The following CTNNA2 variants were observed in gnomAD, a reference collection of about 807,000 sequenced individuals.
CTNNA2 encodes the protein catenin alpha 2.
In CTNNA2, 42 loss-of-function variants were observed where a neutral mutation model predicts 101.0. The ratio of observed to expected loss-of-function variants is 0.42; its 90% confidence interval spans 0.32 to 0.54. CTNNA2 has a LOEUF of 0.54. CTNNA2 is among the 20% of genes least tolerant of loss of function. CTNNA2 has a pLI of 0.14. For missense variants in CTNNA2, 871 were observed against 1,223.1 expected (o/e 0.71, Z 4.29); for synonymous variants, 450 against 456.4 (o/e 0.99, Z 0.18).
intron 9 of CTNNA2, among the ~76,000 whole-genome samples, chr2:80,512,445 C>T (rs1289366737): frequency 6.6e-6 from 1 of 151,926 alleles, no homozygotes; most frequent in African/African-American, 2.4e-5. Context: ...AAAAGATAAA[C>T]GTTCAGACTA....
intron 3 of CTNNA2, among the ~76,000 whole-genome samples, chr2:79,814,454 C>T (rs57577926): frequency 0.1 from 15,302 of 152,104 alleles, 1,128 homozygotes; most frequent in East Asian, 0.35. Flanking sequence ...CATAGCTTAG[C>T]TCCCACACAT....
intron 3 of CTNNA2, among the ~76,000 whole-genome samples, chr2:79,372,405 C>T (rs151227825): frequency 7.2e-4 from 110 of 152,260 alleles, no homozygotes; most frequent in African/African-American, 2.5e-3. Context: ...CTGCAGGAAA[C>T]GTGTCCAGGT....
intron 3 of CTNNA2, among the ~76,000 whole-genome samples, chr2:79,342,360 G>A (rs1677157125): frequency 6.6e-6 from 1 of 152,206 alleles, no homozygotes; most frequent in Non-Finnish European, 1.5e-5. Flanking sequence ...GCAAAATCTG[G>A]ACTGAGCAGA....
chr2:80,191,216 T>C (rs1336327603), intron 7 of CTNNA2, among the ~76,000 whole-genome samples: 4 of 152,168 alleles, frequency 2.6e-5, no homozygotes, highest in Non-Finnish European at 5.9e-5. Flanking sequence ...GACAAAGCCA[T>C]AAGACAGAAT....
At chr2:79,822,306 A>G (rs1008647658) in intron 3 of CTNNA2, among the ~76,000 whole-genome samples, 2 of 152,126 alleles carry the variant, frequency 1.3e-5, no homozygotes, top group African/African-American at 2.4e-5. Context: ...TTTCTCAGAA[A>G]GTTACTGTGA....
At chr2:80,182,697 A>G (rs1298729364) in intron 7 of CTNNA2, among the ~76,000 whole-genome samples, 2 of 152,206 alleles carry the variant, frequency 1.3e-5, no homozygotes, top group African/African-American at 4.8e-5. Context: ...TGGATTGCCC[A>G]AGTAGGCCTC....
At chr2:80,571,006 G>A (rs1252225040) in intron 12 of CTNNA2, among the ~76,000 whole-genome samples, 2 of 152,078 alleles carry the variant, frequency 1.3e-5, no homozygotes, top group African/African-American at 4.8e-5. Context: ...ATCAGGCCAG[G>A]AGGTGGTTTT....
At chr2:80,533,123 G>A (rs755549679) in intron 9 of CTNNA2, among the ~76,000 whole-genome samples, 54 of 152,108 alleles carry the variant, frequency 3.6e-4, no homozygotes, top group Non-Finnish European at 5.9e-4. Flanking sequence ...ATCTAATTCC[G>A]TGTGTAGGTA....
intron 7 of CTNNA2, among the ~76,000 whole-genome samples, chr2:80,013,856 C>A (rs1200150384): frequency 6.6e-6 from 1 of 152,192 alleles, no homozygotes; most frequent in East Asian, 1.9e-4. Flanking sequence ...GAAACGAATT[C>A]TCTCTGCTGG....
intron 2 of CTNNA2, among the ~76,000 whole-genome samples, chr2:79,279,694 T>C (rs1358233710): frequency 2.0e-5 from 3 of 152,124 alleles, no homozygotes; most frequent in Admixed American, 6.6e-5. Context: ...GGTATATAAG[T>C]AAAGTTTGGT....
chr2:80,109,391 G>T (rs1437358828), intron 7 of CTNNA2, among the ~76,000 whole-genome samples: 2 of 152,138 alleles, frequency 1.3e-5, no homozygotes, highest in Non-Finnish European at 2.9e-5. Flanking sequence ...AACCTGGGAG[G>T]TGGAGGTTGC....
chr2:80,216,699 G>T (rs778456810), intron 7 of CTNNA2, among the ~76,000 whole-genome samples: 1 of 152,116 alleles, frequency 6.6e-6, no homozygotes, highest in African/African-American at 2.4e-5. Flanking sequence ...CCTCCAGAAC[G>T]GTGAGAAACA....
intron 18 of CTNNA2, among the ~76,000 whole-genome samples, chr2:80,636,404 GTGTT>G (rs1304893923): frequency 1.3e-5 from 2 of 152,118 alleles, no homozygotes; most frequent in Non-Finnish European, 2.9e-5. Context: ...GGGAACCCAA[GTGTT>G]TGTGTTTTGA....
chr2:79,663,627 T>A (rs1573608799), intron 2 of CTNNA2, among the ~76,000 whole-genome samples: 1 of 152,270 alleles, frequency 6.6e-6, no homozygotes, highest in East Asian at 1.9e-4. Flanking sequence ...AGACCTTTTC[T>A]GACCACTCTT....
intron 2 of CTNNA2, among the ~76,000 whole-genome samples, chr2:79,248,731 C>A (rs1251165952): frequency 6.6e-6 from 1 of 152,186 alleles, no homozygotes; most frequent in Non-Finnish European, 1.5e-5. Flanking sequence ...CCCCCATCAA[C>A]CCTGGCAATG....
chr2:79,305,307 TATATATACACATATATATAC>T (rs1452293731), intron 2 of CTNNA2, among the ~76,000 whole-genome samples: 43 of 148,914 alleles, frequency 2.9e-4, no homozygotes, highest in Non-Finnish European at 6.4e-4. Context: ...TATATATACA[TATATATACACATATATATAC>T]ATATATACAT....
chr2:79,962,052 T>G (rs963973121), intron 7 of CTNNA2, among the ~76,000 whole-genome samples: 1 of 152,236 alleles, frequency 6.6e-6, no homozygotes, highest in Non-Finnish European at 1.5e-5. Flanking sequence ...CGTCTGTTAC[T>G]GCCATGACGA....
At chr2:79,557,905 T>A (rs992669673) in intron 1 of CTNNA2, among the ~76,000 whole-genome samples, 1 of 152,036 alleles carries the variant, frequency 6.6e-6, no homozygotes, top group African/African-American at 2.4e-5. Flanking sequence ...ATTATCTGTT[T>A]AGCTGTGCAT....
chr2:79,275,956 G>A (rs1486471995), intron 2 of CTNNA2, among the ~76,000 whole-genome samples: 1 of 152,020 alleles, frequency 6.6e-6, no homozygotes, highest in East Asian at 1.9e-4. Flanking sequence ...AGGCTAGGGA[G>A]CATCAGAGTG....
Sources: gnomAD v4.1 joint callset for allele counts (sites outside exome capture counted in the v4.1 genomes callset) on GRCh38, gnomAD v4.1.1 for gene constraint, MANE v1.5 for transcripts, NCBI Gene and HGNC (gene_info 2026-07-23, HGNC 2026-07-21) for gene names.